Variants in MAD2L2 observed in about 807,000 individuals in gnomAD.
MAD2L2 encodes the protein mitotic spindle assembly checkpoint protein MAD2B.
MAD2L2 carries 17 observed loss-of-function variants against 30.5 expected under a neutral mutation model. The observed-to-expected ratio is 0.56, with a 90% CI of 0.38 to 0.84. The LOEUF is 0.84. Among genes scored for constraint, MAD2L2 ranks in the 40% least tolerant of loss-of-function variants. MAD2L2 has a pLI of 0.00. For missense variants in MAD2L2, 213 were observed against 277.4 expected, an observed-to-expected ratio of 0.77 and a Z score of 1.65; for synonymous variants, 101 against 113.9, an observed-to-expected ratio of 0.89 and a Z score of 0.72.
At chr1:11,675,044 C>A (rs1368081575) in intron 8 of MAD2L2, 38 bp downstream of exon 8, 3 of 1,516,426 alleles carry the variant, frequency 2.0e-6, no homozygotes, top group Non-Finnish European at 2.7e-6. Context: ...CGTTAAGCAG[C>A]CCCTAAATAA....
Position 11,688,743 on chromosome 1 carries a change from T to A in MAD2L2, c.-692+2670A>T, listed in dbSNP as rs1376998308. The stretch of plus-strand genomic sequence containing the variant: ...TGAGTAGGGGCTGGGTCAAATGGGG[T>A]TGGGACTTGCTGGGCCATATTCCCA... On this transcript the variant is annotated intron_variant, in intron 1 of 10. Transcript: ENST00000235310. This position sits in a 1 kb window ranked among gnomAD's most constrained non-coding sequence, Gnocchi z 4.6. Among the ~76,000 whole-genome samples the A allele has an allele frequency of 2.0e-5, 3 of 151,964 alleles. No homozygotes were observed. The highest frequency in any genetic ancestry group is 7.3e-5 in the African/African-American group (3 of 41,342).
At chr1:11,676,813 T>C in intron 5 of MAD2L2, 35 bp downstream of exon 5, 1 of 1,545,396 alleles carries the variant, frequency 6.5e-7, no homozygotes, top group Non-Finnish European at 8.9e-7. Context: ...ACACACCTGA[T>C]GCCAGCTAGT....
At chr1:11,684,773 A>G (rs1640930817), upstream of MAD2L2, among the ~76,000 whole-genome samples, 1 of 152,074 alleles carries the variant, frequency 6.6e-6, no homozygotes, top group Non-Finnish European at 1.5e-5. Context: ...GGTATGGGGG[A>G]CATACAGAGT....
intron 5 of MAD2L2, 115 bp downstream of exon 5, chr1:11,676,733 C>A (rs1417467588): frequency 1.3e-6 from 1 of 786,034 alleles, no homozygotes; most frequent in East Asian, 2.6e-5. Flanking sequence ...GTGCTTCTTG[C>A]CCTTTCTCCT....
Position 11,687,735 on chromosome 1 carries a change from T to TAA in MAD2L2, c.-692+3677_-692+3678insTT, listed in dbSNP as rs1375165813. Among the ~76,000 whole-genome samples, 2 of 152,246 alleles carry TAA rather than the reference T, an allele frequency of 1.3e-5. No homozygotes were observed. Among genetic ancestry groups the TAA allele is most frequent in the East Asian group, 3.8e-4 (2 of 5,198 alleles). Reference sequence around the variant, plus strand: ...TAATTGTACAAAATATGGTCTTTTATGTCTGGCTTGTTCCACTTAGCATAA... The same window carrying TAA: ...TAATTGTACAAAATATGGTCTTTTATAAGTCTGGCTTGTTCCACTTAGCATAA... On this transcript the variant is annotated intron_variant, in intron 1 of 10. Transcript: ENST00000235310. The surrounding 1 kb of genome is among the most constrained non-coding windows in gnomAD (Gnocchi z 4.1).
intron 3 of MAD2L2, among the ~76,000 whole-genome samples, chr1:11,679,006 A>G (rs1640818486): frequency 6.6e-6 from 1 of 152,094 alleles, no homozygotes; most frequent in African/African-American, 2.4e-5. Flanking sequence ...TCTACTAAAA[A>G]TACAAAAATT....
At chr1:11,680,749 A>AAG in intron 1 of MAD2L2, 136 bp from the exon 2 acceptor site, 4 of 1,394,118 alleles carry the variant, frequency 2.9e-6, no homozygotes, top group Non-Finnish European at 2.8e-6. Flanking sequence ...GGCTCAGGGC[A>AAG]GCTGGAAGAA....
upstream of MAD2L2, among the ~76,000 whole-genome samples, chr1:11,683,161 C>A (rs907625222): frequency 6.6e-5 from 10 of 152,118 alleles, no homozygotes; most frequent in Admixed American, 5.2e-4. Context: ...TGTGGGATGG[C>A]CTTCAGGACA....
intron 3 of MAD2L2, among the ~76,000 whole-genome samples, chr1:11,678,725 T>A (rs1297453238): frequency 6.6e-6 from 1 of 152,254 alleles, no homozygotes; most frequent in African/African-American, 2.4e-5. Context: ...TTCAACTTAC[T>A]ATGGGTTTAT....
At chr1:11,682,233 A>T (rs1178779680), upstream of MAD2L2, among the ~76,000 whole-genome samples, 1 of 152,106 alleles carries the variant, frequency 6.6e-6, no homozygotes, top group East Asian at 1.9e-4. Flanking sequence ...CAGGGCTTCC[A>T]CTTATTTACA....
At chr1:11,680,793 G>A in intron 1 of MAD2L2, 180 bp from the exon 2 acceptor site, 3 of 1,327,278 alleles carry the variant, frequency 2.3e-6, no homozygotes, top group South Asian at 2.1e-5. Flanking sequence ...GTGCTTGGGG[G>A]CATCAGCCTC....
chr1:11,674,771 C>T lies in MAD2L2; in HGVS notation c.*4G>A. 2 of 1,613,514 alleles carry T rather than the reference C, an allele frequency of 1.2e-6. No homozygotes were observed. Among genetic ancestry groups the T allele is most frequent in the Non-Finnish European group, 1.7e-6 (2 of 1,179,854 alleles). Reference sequence around the variant, plus strand: ...TGGGCATCAGTGGGGTGGCAGGTGCCCCCTCAGCTGCCTTTATGAGCGCGC... The same window carrying T: ...TGGGCATCAGTGGGGTGGCAGGTGCTCCCTCAGCTGCCTTTATGAGCGCGC... On this transcript the variant is annotated 3_prime_UTR_variant, in exon 9 of 9. Transcript: ENST00000376692. The surrounding 1 kb of genome is among the most constrained non-coding windows in gnomAD (Gnocchi z 6.1).
At chr1:11,681,855 T>G (rs1180002527), upstream of MAD2L2, 1 of 152,002 alleles carries the variant, frequency 6.6e-6, no homozygotes, top group East Asian at 1.9e-4. Context: ...TACAGATAAG[T>G]CAAGCGAGGT....
At chr1:11,682,277 C>G (rs552501670), upstream of MAD2L2, among the ~76,000 whole-genome samples, 1 of 152,302 alleles carries the variant, frequency 6.6e-6, no homozygotes, top group East Asian at 1.9e-4. Context: ...AAACTAAGAT[C>G]TGAGAAGCAG....
intron 4 of MAD2L2, 70 bp from the exon 5 acceptor site, chr1:11,677,018 C>T (rs1296628243): frequency 3.3e-6 from 4 of 1,206,994 alleles, no homozygotes; most frequent in South Asian, 1.2e-5. Context: ...GCCTCCACCC[C>T]CTTGCCCAAG....
At chr1:11,677,836 G>A (rs1640797775) in intron 3 of MAD2L2, among the ~76,000 whole-genome samples, 1 of 151,906 alleles carries the variant, frequency 6.6e-6, no homozygotes, top group South Asian at 2.1e-4. Flanking sequence ...GAGGCAGGTG[G>A]ATCACAAGGT....
At chr1:11,677,664 A>G in intron 3 of MAD2L2, 50 bp from the exon 4 acceptor site, 1 of 1,484,796 alleles carries the variant, frequency 6.7e-7, no homozygotes, top group East Asian at 2.3e-5. Flanking sequence ...AGATGGGGAA[A>G]CCACCCAACA....
chr1:11,675,715 G>C lies in MAD2L2; in HGVS notation c.444C>G (p.Val148=), dbSNP rs1214046390. 5.4e-5 allele frequency: 87 copies of C among 1,613,894 alleles called. No homozygotes were observed. Among genetic ancestry groups the C allele is most frequent in the Non-Finnish European group, 6.9e-5 (82 of 1,179,998 alleles). ...TGGCGGCTTCTCTCGTGTGCACCAG[G>C]ACTGTGAAGGTACAGCCTGGAGAGG... The part of the protein sequence containing the change: ...DHNPPGCTFT[V]LVHTREAATR... Residue 148 remains valine, a synonymous_variant, in exon 7 of 9, where the codon GTC becomes GTG. Coordinates refer to ENST00000376692, the MANE Select transcript of MAD2L2 (RefSeq NM_006341.4).
upstream of MAD2L2, among the ~76,000 whole-genome samples, chr1:11,684,093 A>G (rs1423963225): frequency 6.6e-6 from 1 of 152,132 alleles, no homozygotes; most frequent in African/African-American, 2.4e-5. Flanking sequence ...AAACCCCTAA[A>G]AGGCTTCAGT....
Sources: gnomAD v4.1 joint callset for allele counts (sites outside exome capture counted in the v4.1 genomes callset) on GRCh38, gnomAD v4.1.1 for gene constraint, Gnocchi (gnomAD v3.1) non-coding constraint, MANE v1.5 for transcripts, NCBI Gene and HGNC (gene_info 2026-07-23, HGNC 2026-07-21) for gene names.